AGMO: variants seen among roughly 807,000 people sequenced by gnomAD.
AGMO encodes the protein alkylglycerol monooxygenase.
Under a neutral mutation model 60.2 loss-of-function variants are expected in AGMO, and 75 were observed. The observed-to-expected ratio is 1.25, with a 90% CI of 1.03 to 1.51. The LOEUF (loss-of-function observed/expected upper bound fraction) is 1.51. AGMO is among the 40% of genes most tolerant of loss of function. The probability of loss-of-function intolerance (pLI) is 0.00; values close to 1 mark genes in which losing one functional copy is unlikely to be tolerated. For missense variants in AGMO, 763 were observed against 525.5 expected, an observed-to-expected ratio of 1.45 and a Z score of -4.42; for synonymous variants, 261 against 177.1, an observed-to-expected ratio of 1.47 and a Z score of -3.76.
chr7:15,159,131 A>G, the AGMO span, among the ~76,000 whole-genome samples: 8,040 of 152,160 alleles, frequency 0.053, 676 homozygotes, highest in African/African-American at 0.18. Context: ...ATAACACCCC[A>G]TGTGTTACCA....
chr7:15,434,762 C>G (rs866957727), intron 3 of AGMO, among the ~76,000 whole-genome samples: 6 of 152,116 alleles, frequency 3.9e-5, no homozygotes, highest in African/African-American at 1.4e-4. Context: ...CAATTTCTAA[C>G]CCACAGAAAC....
chr7:15,221,756 C>T (rs1439924171), intron 12 of AGMO, among the ~76,000 whole-genome samples: 1 of 152,082 alleles, frequency 6.6e-6, no homozygotes, highest in Non-Finnish European at 1.5e-5. Context: ...CTGCTTCCTT[C>T]AAGGAATAGC....
At chr7:15,425,501 C>T (rs1781035019) in intron 4 of AGMO, among the ~76,000 whole-genome samples, 1 of 151,408 alleles carries the variant, frequency 6.6e-6, no homozygotes, top group African/African-American at 2.4e-5. Context: ...GTGGAGCCAC[C>T]ACGAATAACT....
intron 12 of AGMO, among the ~76,000 whole-genome samples, chr7:15,343,295 C>T (rs1196737560): frequency 6.6e-6 from 1 of 152,028 alleles, no homozygotes; most frequent in Non-Finnish European, 1.5e-5. Context: ...CCTCTCTATT[C>T]ACCCTTATTT....
At chr7:15,274,681 C>T (rs1322580377) in intron 12 of AGMO, among the ~76,000 whole-genome samples, 1 of 149,336 alleles carries the variant, frequency 6.7e-6, no homozygotes, top group Non-Finnish European at 1.5e-5. Context: ...GTTGTGGATC[C>T]ATCTGGTGAT....
At chr7:15,355,349 A>G (rs1782485145) in intron 12 of AGMO, among the ~76,000 whole-genome samples, 1 of 151,878 alleles carries the variant, frequency 6.6e-6, no homozygotes, top group Non-Finnish European at 1.5e-5. Context: ...AAAAATACAA[A>G]AAAATTAGCC....
chr7:15,435,562 A>C (rs11977905), intron 3 of AGMO, among the ~76,000 whole-genome samples: 26,479 of 152,062 alleles, frequency 0.17, 2,377 homozygotes, highest in Non-Finnish European at 0.2. Flanking sequence ...CCATATTTTA[A>C]ATGGGTTGTT....
intron 3 of AGMO, among the ~76,000 whole-genome samples, chr7:15,449,981 A>T (rs1781815257): frequency 6.6e-6 from 1 of 152,252 alleles, no homozygotes; most frequent in Non-Finnish European, 1.5e-5. Flanking sequence ...TAGTGGTAAT[A>T]CACAGTCACT....
At chr7:15,408,698 G>C (rs557773895) in intron 5 of AGMO, among the ~76,000 whole-genome samples, 1 of 152,026 alleles carries the variant, frequency 6.6e-6, no homozygotes, top group African/African-American at 2.4e-5. Context: ...TTGTTTACCA[G>C]GCTTTGAATC....
chr7:15,212,724 G>C (rs1017898144), intron 12 of AGMO, among the ~76,000 whole-genome samples: 3 of 151,890 alleles, frequency 2.0e-5, no homozygotes, highest in Non-Finnish European at 4.4e-5. Context: ...CCATGATTCA[G>C]TGCTTTGAGT....
chr7:15,329,462 G>T (rs1199731525), intron 12 of AGMO, among the ~76,000 whole-genome samples: 1 of 152,156 alleles, frequency 6.6e-6, no homozygotes, highest in Admixed American at 6.5e-5. Flanking sequence ...GTCTATCCTT[G>T]TGTGGCCTTG....
At chr7:15,126,266 T>A in the AGMO span, among the ~76,000 whole-genome samples, 1,263 of 152,244 alleles carry the variant, frequency 8.3e-3, 21 homozygotes, top group African/African-American at 0.029. Context: ...ATTATCTTAG[T>A]AACATTTTAA....
At chr7:15,324,642 A>G (rs1449444845) in intron 12 of AGMO, among the ~76,000 whole-genome samples, 1 of 152,074 alleles carries the variant, frequency 6.6e-6, no homozygotes, top group African/African-American at 2.4e-5. Flanking sequence ...AACATGTTTC[A>G]TGGAAGGCAA....
chr7:15,455,081 TCACACA>T (rs34074240), intron 3 of AGMO, among the ~76,000 whole-genome samples: 5,511 of 146,190 alleles, frequency 0.038, 112 homozygotes, highest in South Asian at 0.063. Context: ...TCTCTCTTTC[TCACACA>T]CACACACACA....
In AGMO at chr7:15,333,913, A is replaced by G. The variant is rs146625068; in HGVS notation, c.1263+31601T>C. Among the ~76,000 whole-genome samples, 817 of 152,206 alleles carry G rather than the reference A, an allele frequency of 5.4e-3. 13 individuals are homozygous for G. Among genetic ancestry groups the G allele is most frequent in the African/African-American group, 0.019 (770 of 41,566 alleles). Reference sequence around the variant, plus strand: ...TAATAATTCTTCCAGTGTTCTCAATATATCAGCATTTATGGACTTAATATT... The same window carrying G: ...TAATAATTCTTCCAGTGTTCTCAATGTATCAGCATTTATGGACTTAATATT... On this transcript the variant is annotated intron_variant, in intron 12 of 12. Coordinates refer to ENST00000342526, the MANE Select transcript of AGMO (RefSeq NM_001004320.2).
intron 12 of AGMO, among the ~76,000 whole-genome samples, chr7:15,355,050 C>G (rs1410814181): frequency 6.6e-6 from 1 of 151,980 alleles, no homozygotes; most frequent in Non-Finnish European, 1.5e-5. Context: ...CACTCACTAA[C>G]ATAGTACCAT....
At chr7:15,380,769 C>T (rs960335251) in intron 10 of AGMO, among the ~76,000 whole-genome samples, 32 of 151,988 alleles carry the variant, frequency 2.1e-4, no homozygotes, top group African/African-American at 7.7e-4. Context: ...TAACATTATC[C>T]AACTTTGAAC....
chr7:15,324,126 C>T (rs1182422061), intron 12 of AGMO, among the ~76,000 whole-genome samples: 2 of 152,158 alleles, frequency 1.3e-5, no homozygotes, highest in South Asian at 4.1e-4. Context: ...TTCCATCAGA[C>T]AATCATCAGT....
intron 3 of AGMO, among the ~76,000 whole-genome samples, chr7:15,459,107 G>A (rs994461958): frequency 6.6e-5 from 10 of 152,068 alleles, no homozygotes; most frequent in African/African-American, 1.9e-4. Flanking sequence ...CATTTAAGAA[G>A]TGGGTTTTTT....
Sources: allele counts gnomAD v4.1 joint callset (sites outside exome capture counted in the v4.1 genomes callset), GRCh38; gene constraint gnomAD v4.1.1; transcripts MANE v1.5; gene names NCBI Gene and HGNC (gene_info 2026-07-23, HGNC 2026-07-21).